SULF1: variants seen among roughly 807,000 people sequenced by gnomAD.
SULF1 encodes the protein sulfatase 1.
SULF1 carries 46 observed loss-of-function variants against 110.5 expected under a neutral mutation model. That is an observed-to-expected ratio of 0.42 (90% CI 0.33 to 0.53). The LOEUF (loss-of-function observed/expected upper bound fraction) is 0.53. Among genes scored for constraint, SULF1 ranks in the 20% least tolerant of loss-of-function variants. The pLI, the probability that SULF1 is intolerant of heterozygous loss-of-function variation, is 0.12. For missense variants in SULF1, 941 were observed against 1,094.2 expected, an observed-to-expected ratio of 0.86 and a Z score of 1.98; for synonymous variants, 371 against 387.1, an observed-to-expected ratio of 0.96 and a Z score of 0.49.
chr8:69,591,169 A>G (rs1806869388), intron 8 of SULF1, among the ~76,000 whole-genome samples: 1 of 152,068 alleles, frequency 6.6e-6, no homozygotes, highest in Admixed American at 6.5e-5. Flanking sequence ...TCAGGTCAAG[A>G]GTTTATAAGA....
At chr8:69,614,191 G>A (rs768105094) in intron 13 of SULF1, among the ~76,000 whole-genome samples, 1 of 152,162 alleles carries the variant, frequency 6.6e-6, no homozygotes, top group African/African-American at 2.4e-5. Context: ...CTCTGCAAAG[G>A]CTAATGTGGC....
In SULF1 at chr8:69,658,688, T is replaced by C. The variant is rs1195194317; in HGVS notation, c.*153T>C. On this transcript the variant is annotated 3_prime_UTR_variant, in exon 23 of 23. Transcript: ENST00000402687. ...GATTTAGATAGAGTATTTGCACTGC[T>C]GAAGAGTCACTATGAGCAAAATAAA... 1.4e-6 allele frequency: 1 copy of C among 728,670 alleles called. No individual in the cohort carries two copies. Among genetic ancestry groups the C allele is most frequent in the Admixed American group, 2.0e-5 (1 of 50,010 alleles). 45.1% of individuals were successfully genotyped at this position (728,670 alleles called of 1,614,324 possible).
At chr8:69,531,667 T>C (rs1813090589) in intron 3 of SULF1, among the ~76,000 whole-genome samples, 1 of 152,258 alleles carries the variant, frequency 6.6e-6, no homozygotes. Flanking sequence ...TTATTATGAC[T>C]GAGAGAAGTC....
Position 69,603,623 on chromosome 8 carries a change from A to G in SULF1, c.1214A>G (p.Lys405Arg). 3.1e-6 allele frequency: 5 copies of G among 1,614,048 alleles called. 1 individual carries two copies. The highest frequency in any genetic ancestry group is 1.6e-4 in the Middle Eastern group (1 of 6,062). Residue 405 changes from lysine to arginine, a missense_variant, in exon 12 of 23, where the codon AAA (lysine) becomes AGA (arginine). Lys to Arg is a conservative substitution (Grantham distance 26). Coordinates refer to ENST00000402687, the MANE Select transcript of SULF1 (RefSeq NM_001128205.2). ...GNRFRTNKKA[K>R]IWRDTFLVER... The stretch of plus-strand genomic sequence containing the variant: ...AGGTTTCGAACAAACAAGAAGGCCA[A>G]AATTTGGCGTGATACATTCCTAGTG...
At chr8:69,613,095 C>T (rs1054736618) in intron 13 of SULF1, among the ~76,000 whole-genome samples, 1 of 152,106 alleles carries the variant, frequency 6.6e-6, no homozygotes, top group African/African-American at 2.4e-5. Context: ...TTCCCAGCAC[C>T]ATTTATTGAA....
intron 1 of SULF1, among the ~76,000 whole-genome samples, chr8:69,486,267 T>G (rs561335837): frequency 1.1e-3 from 169 of 152,278 alleles, no homozygotes; most frequent in African/African-American, 3.8e-3. Flanking sequence ...CCTTTCAGAT[T>G]TTGTAATTCC....
chr8:69,513,929 G>T, intron 3 of SULF1, among the ~76,000 whole-genome samples: 1 of 152,334 alleles, frequency 6.6e-6, no homozygotes, highest in African/African-American at 2.4e-5. Context: ...TGTCTAAAAA[G>T]ATAATGAAAA....
At chr8:69,628,399 C>T (rs933177234) in intron 18 of SULF1, among the ~76,000 whole-genome samples, 163 bp downstream of exon 18, 3 of 152,192 alleles carry the variant, frequency 2.0e-5, no homozygotes, top group African/African-American at 4.8e-5. Context: ...CAAAGCCCCA[C>T]CTCACCAAGG....
chr8:69,491,350 A>G (rs921182054), upstream of SULF1, among the ~76,000 whole-genome samples: 25 of 152,220 alleles, frequency 1.6e-4, no homozygotes, highest in Non-Finnish European at 3.4e-4. Flanking sequence ...GTGATAGCAC[A>G]TATTATTTCA....
At chr8:69,621,551 T>C (rs937229887) in intron 14 of SULF1, among the ~76,000 whole-genome samples, 2 of 152,208 alleles carry the variant, frequency 1.3e-5, no homozygotes, top group African/African-American at 4.8e-5. Flanking sequence ...AAGGATATGG[T>C]TTAAGTCCAT....
chr8:69,638,302 T>C, intron 19 of SULF1, 200 bp from the exon 20 acceptor site: 1 of 624,900 alleles, frequency 1.6e-6, no homozygotes, highest in South Asian at 2.1e-5. Flanking sequence ...TCACTATCTT[T>C]TTTCCCATTT....
intron 3 of SULF1, among the ~76,000 whole-genome samples, chr8:69,522,581 T>C (rs10283225): frequency 0.17 from 25,975 of 152,236 alleles, 2,829 homozygotes; most frequent in South Asian, 0.31. Flanking sequence ...ATTAGCATAA[T>C]GTCAACAAGT....
At chr8:69,525,415 T>C (rs758696664) in intron 3 of SULF1, among the ~76,000 whole-genome samples, 8 of 152,194 alleles carry the variant, frequency 5.3e-5, no homozygotes, top group Non-Finnish European at 8.8e-5. Flanking sequence ...TTATGAATTA[T>C]GTCTTTGCCC....
chr8:69,588,373 G>C (rs1202326098), intron 7 of SULF1, among the ~76,000 whole-genome samples: 1 of 152,160 alleles, frequency 6.6e-6, no homozygotes, highest in Non-Finnish European at 1.5e-5. Context: ...ATCAAATGTT[G>C]CAGCTTTTCC....
At chr8:69,580,143 A>G (rs1186406791) in intron 6 of SULF1, among the ~76,000 whole-genome samples, 2 of 152,172 alleles carry the variant, frequency 1.3e-5, no homozygotes, top group Admixed American at 6.5e-5. Flanking sequence ...GCTATAGCCT[A>G]AATTTTTCTA....
chr8:69,531,446 C>A (rs950582929), intron 3 of SULF1, among the ~76,000 whole-genome samples: 26 of 152,162 alleles, frequency 1.7e-4, no homozygotes, highest in African/African-American at 5.6e-4. Context: ...ACCAAGCCAC[C>A]ACCCACCTCT....
upstream of SULF1, among the ~76,000 whole-genome samples, chr8:69,492,604 T>A (rs2150555699): frequency 6.6e-6 from 1 of 152,238 alleles, no homozygotes; most frequent in African/African-American, 2.4e-5. Context: ...CCCGCCGCCG[T>A]CCAAGCCGGC....
At chr8:69,584,041 T>C (rs985026001) in intron 6 of SULF1, among the ~76,000 whole-genome samples, 2 of 152,112 alleles carry the variant, frequency 1.3e-5, no homozygotes, top group Admixed American at 6.6e-5. Flanking sequence ...AAGGGAAGGA[T>C]TTTGTCCAAA....
At chr8:69,624,812 G>T (rs919472192) in intron 15 of SULF1, among the ~76,000 whole-genome samples, 3 of 152,192 alleles carry the variant, frequency 2.0e-5, no homozygotes, top group Admixed American at 1.3e-4. Flanking sequence ...TAAGTTTAAT[G>T]AACTCACTTT....
Sources: gnomAD v4.1 joint callset for allele counts (sites outside exome capture counted in the v4.1 genomes callset) on GRCh38, gnomAD v4.1.1 for gene constraint, MANE v1.5 for transcripts, NCBI Gene and HGNC (gene_info 2026-07-23, HGNC 2026-07-21) for gene names.